Variants in RPS6KA3 observed in about 807,000 individuals in gnomAD.
RPS6KA3 encodes ribosomal protein S6 kinase alpha-3.
Under a neutral mutation model 67.2 loss-of-function variants are expected in RPS6KA3, and 4 were observed. The ratio of observed to expected loss-of-function variants is 0.06; its 90% CI spans 0.03 to 0.14. The LOEUF is 0.14. Ranked by LOEUF, RPS6KA3 falls within the 10% of genes least tolerant of loss-of-function variation. The pLI is 1.00. For missense variants in RPS6KA3, 204 were observed against 559.0 expected, an observed-to-expected ratio of 0.36 and a Z score of 6.40; for synonymous variants, 182 against 183.7, an observed-to-expected ratio of 0.99 and a Z score of 0.07.
intron 1 of RPS6KA3, among the ~76,000 whole-genome samples, chrX:20,257,240 T>C (rs927531886): frequency 2.2e-4 from 25 of 112,252 alleles, no homozygotes; most frequent in Non-Finnish European, 2.1e-4. Flanking sequence ...GCAGTGATCT[T>C]AACGTACCCC....
At chrX:20,249,241 T>A (rs2069792465) in intron 1 of RPS6KA3, among the ~76,000 whole-genome samples, 1 of 112,176 alleles carries the variant, frequency 8.9e-6, no homozygotes, top group African/African-American at 3.2e-5. Context: ...GGTTTCTAAT[T>A]TTTGGATAGT....
Position 20,151,940 on chromosome X carries a change from T to G in RPS6KA3, c.*3458A>C, listed in dbSNP as rs1192410859. The G allele has an allele frequency of 8.9e-6, 1 of 112,085 alleles. No homozygotes were observed. Among genetic ancestry groups the G allele is most frequent in the Admixed American group, 9.5e-5 (1 of 10,511 alleles). The allele number at this position is 112,085 out of a possible 1,213,427, so 9.2% of individuals were successfully genotyped here. On this transcript the variant is annotated 3_prime_UTR_variant, in exon 22 of 22. Coordinates refer to ENST00000379565, the MANE Select transcript of RPS6KA3 (RefSeq NM_004586.3). The stretch of plus-strand genomic sequence containing the variant: ...GTTCAAATCTTTCCTGGGCTGAAGG[T>G]GCAGGGCACAGCTAACTGGACAGCC...
intron 1 of RPS6KA3, among the ~76,000 whole-genome samples, chrX:20,242,327 C>T (rs984019403): frequency 9.0e-6 from 1 of 111,563 alleles, no homozygotes; most frequent in African/African-American, 3.3e-5. Context: ...CATACAGTAA[C>T]CAAGAATAGA....
Position 20,255,876 on chromosome X carries a change from A to G in RPS6KA3, c.69+10688T>C, listed in dbSNP as rs780717167. 7.8e-5 allele frequency among the ~76,000 whole-genome samples: 8 copies of G among 103,118 alleles called. No homozygotes were observed. The South Asian group carries it at 3.8e-3, about 49-fold the overall frequency. The allele number at this position is 103,118 out of a possible 115,157, so 89.5% of individuals were successfully genotyped here. On this transcript the variant is annotated intron_variant, in intron 1 of 21. Coordinates refer to ENST00000379565, the MANE Select transcript of RPS6KA3 (RefSeq NM_004586.3). Reference sequence around the variant, plus strand: ...GTAATCTCATCACTTTGGGAGGCAAAGGCAGATGGATCACCCTGAGGTCAG... The same window carrying G: ...GTAATCTCATCACTTTGGGAGGCAAGGGCAGATGGATCACCCTGAGGTCAG...
At chrX:20,238,084 C>A (rs775959587) in intron 1 of RPS6KA3, among the ~76,000 whole-genome samples, 1 of 111,523 alleles carries the variant, frequency 9.0e-6, no homozygotes, top group African/African-American at 3.2e-5. Flanking sequence ...CACCCTGAAA[C>A]TTATCTTTTC....
intron 10 of RPS6KA3, among the ~76,000 whole-genome samples, chrX:20,185,217 G>C (rs2067951124): frequency 8.9e-6 from 1 of 111,961 alleles, no homozygotes; most frequent in Non-Finnish European, 1.9e-5. Context: ...AAAGTGCTGG[G>C]ATTACAGGTG....
At chrX:20,158,208 T>A (rs1373177491) in intron 20 of RPS6KA3, among the ~76,000 whole-genome samples, 1 of 107,499 alleles carries the variant, frequency 9.3e-6, no homozygotes, top group Non-Finnish European at 1.9e-5. Flanking sequence ...CTACAAAAAA[T>A]TTAAAAATTA....
At chrX:20,224,954 T>C (rs1419138557) in intron 2 of RPS6KA3, among the ~76,000 whole-genome samples, 1 of 111,846 alleles carries the variant, frequency 8.9e-6, no homozygotes, top group African/African-American at 3.2e-5. Flanking sequence ...CCTGAAGTTC[T>C]TTTTACTTAG....
intron 4 of RPS6KA3, among the ~76,000 whole-genome samples, chrX:20,202,576 A>T (rs1422709153): frequency 1.1e-4 from 12 of 111,435 alleles, no homozygotes; most frequent in Non-Finnish European, 7.5e-5. Flanking sequence ...TTTTAAGGAA[A>T]ATGCAGCTGG....
At chrX:20,239,595 A>G in intron 1 of RPS6KA3, among the ~76,000 whole-genome samples, 1 of 111,984 alleles carries the variant, frequency 8.9e-6, no homozygotes, top group Non-Finnish European at 1.9e-5. Flanking sequence ...ATACTGGAAA[A>G]GGTTAGGAAA....
intron 9 of RPS6KA3, 122 bp downstream of exon 9, chrX:20,187,705 TG>T: frequency 1.6e-6 from 1 of 622,128 alleles, no homozygotes; most frequent in Non-Finnish European, 2.8e-6. Context: ...TAATGTTTCT[TG>T]GTTATTTATT....
Position 20,195,164 on chromosome X carries a change from A to G in RPS6KA3, c.326-19T>C, listed in dbSNP as rs768496685. On this transcript the variant is annotated intron_variant, in intron 4 of 21. Transcript: ENST00000379565. The stretch of plus-strand genomic sequence containing the variant: ...TCTCGAACTATAAAAGATTGTATGT[A>G]TGCTACATTGTAATATCTTTCAAAG... 1 of 1,003,514 alleles carries G rather than the reference A, an allele frequency of 1.0e-6. No individual in the cohort carries two copies. Among genetic ancestry groups the G allele is most frequent in the East Asian group, 3.1e-5 (1 of 32,786 alleles). 82.7% of individuals were successfully genotyped at this position (1,003,514 alleles called of 1,213,427 possible).
upstream of RPS6KA3, chrX:20,266,946 C>T (rs1291143467): frequency 2.9e-6 from 2 of 694,053 alleles, no homozygotes; most frequent in East Asian, 1.6e-4. Context: ...TACGGCTCCG[C>T]CCCCCCCGCC....
intron 4 of RPS6KA3, among the ~76,000 whole-genome samples, chrX:20,197,147 C>T (rs1053588798): frequency 8.9e-6 from 1 of 112,561 alleles, no homozygotes; most frequent in African/African-American, 3.2e-5. Flanking sequence ...GCCTGATATG[C>T]CCTTTGTACT....
chrX:20,181,336 C>T (rs746319954), intron 10 of RPS6KA3, among the ~76,000 whole-genome samples: 3 of 110,379 alleles, frequency 2.7e-5, no homozygotes, highest in Admixed American at 9.7e-5. Context: ...AAAAGGGGAA[C>T]GGTTAGAGAG....
At chrX:20,186,066 A>T (rs996841125) in intron 10 of RPS6KA3, among the ~76,000 whole-genome samples, 2 of 110,415 alleles carry the variant, frequency 1.8e-5, no homozygotes, top group African/African-American at 6.7e-5. Context: ...CAGCCTCCTG[A>T]GTACTGCTGA....
In RPS6KA3 at chrX:20,266,829, A is replaced by T; in HGVS notation, c.-197T>A. ...TCGACGCCGACGCCGACCGCCCGAA[A>T]GCCGCGCGCCTGGCCAGAGACGCCC... On this transcript the variant is annotated 5_prime_UTR_variant, in exon 1 of 22. Transcript: ENST00000379565. 2.7e-6 allele frequency: 1 copy of T among 368,655 alleles called. No individual in the cohort carries two copies. The highest frequency in any genetic ancestry group is 3.5e-6 in the Non-Finnish European group (1 of 286,787). 30.4% of individuals were successfully genotyped at this position (368,655 alleles called of 1,213,427 possible). A position where few individuals can be genotyped will look rare whatever the true frequency, so the allele number is the denominator to read the frequency against.
chrX:20,242,601 A>T (rs143166633), intron 1 of RPS6KA3, among the ~76,000 whole-genome samples: 2,457 of 111,938 alleles, frequency 0.022, 76 homozygotes, highest in African/African-American at 0.076. Context: ...AAAAAACCTC[A>T]CAAGAATAAA....
chrX:20,186,446 C>G, intron 9 of RPS6KA3, 80 bp from the exon 10 acceptor site: 2 of 571,581 alleles, frequency 3.5e-6, no homozygotes, highest in Non-Finnish European at 5.9e-6. Context: ...AAAAAAAAAG[C>G]ATCATTTTAA....
Sources: allele counts gnomAD v4.1 joint callset (sites outside exome capture counted in the v4.1 genomes callset), GRCh38; gene constraint gnomAD v4.1.1; transcripts MANE v1.5; gene names NCBI Gene and HGNC (gene_info 2026-07-23, HGNC 2026-07-21).